The following PALD1 variants were observed in gnomAD, a reference collection of about 807,000 sequenced individuals.
PALD1 encodes phosphatase domain containing paladin 1.
Under a neutral mutation model 96.0 loss-of-function variants are expected in PALD1, and 57 were observed. That is an observed-to-expected ratio of 0.59 (90% CI 0.48 to 0.74). PALD1 has a LOEUF of 0.74. Among genes scored for constraint, PALD1 ranks in the 30% least tolerant of loss-of-function variants. The probability of loss-of-function intolerance (pLI) is 0.00; values close to 1 mark genes in which losing one functional copy is unlikely to be tolerated. For missense variants in PALD1, 1,063 were observed against 1,143.7 expected (o/e 0.93, Z 1.02); for synonymous variants, 464 against 473.6 (o/e 0.98, Z 0.26).
chr10:70,543,775 A>G (rs1847303609), intron 17 of PALD1, among the ~76,000 whole-genome samples: 1 of 152,114 alleles, frequency 6.6e-6, no homozygotes, highest in Non-Finnish European at 1.5e-5. Context: ...CCTTCTTCAC[A>G]CCAGGCCCCG....
chr10:70,548,759 A>G (rs1235393648), intron 18 of PALD1, among the ~76,000 whole-genome samples: 1 of 152,112 alleles, frequency 6.6e-6, no homozygotes, highest in East Asian at 1.9e-4. Flanking sequence ...CACATTGGGG[A>G]AATGACTGAT....
At chr10:70,518,931 C>T (rs1439253296) in intron 1 of PALD1, among the ~76,000 whole-genome samples, 1 of 152,232 alleles carries the variant, frequency 6.6e-6, no homozygotes, top group Non-Finnish European at 1.5e-5. Flanking sequence ...ACAACACAGT[C>T]TTCCTGTTTG....
intron 2 of PALD1, among the ~76,000 whole-genome samples, chr10:70,526,583 C>G (rs1338750464): frequency 2.0e-5 from 3 of 152,210 alleles, no homozygotes; most frequent in East Asian, 3.9e-4. Flanking sequence ...GTTGGCTGTC[C>G]TAATGATGCC....
chr10:70,492,623 A>AT (rs1219970169), intron 1 of PALD1, among the ~76,000 whole-genome samples: 1 of 151,640 alleles, frequency 6.6e-6, no homozygotes, highest in Admixed American at 6.6e-5. Context: ...CGCCTGGCTA[A>AT]TTTTTGTGTA....
intron 10 of PALD1, among the ~76,000 whole-genome samples, chr10:70,537,393 C>T (rs745789726): frequency 3.9e-5 from 6 of 152,194 alleles, no homozygotes; most frequent in Non-Finnish European, 8.8e-5. Flanking sequence ...CGTGAGCCAC[C>T]GCACCCAGCC....
intron 18 of PALD1, among the ~76,000 whole-genome samples, chr10:70,558,561 A>C (rs1847663625): frequency 6.6e-6 from 1 of 152,160 alleles, no homozygotes. Context: ...CAGGCAGCAC[A>C]CACATCAGGG....
At chr10:70,466,914 C>A in the PALD1 span, among the ~76,000 whole-genome samples, 5 of 152,186 alleles carry the variant, frequency 3.3e-5, no homozygotes, top group African/African-American at 9.7e-5. Context: ...GCCACCCCAG[C>A]CCCACCGTCC....
intron 1 of PALD1, among the ~76,000 whole-genome samples, chr10:70,519,319 G>A (rs1382569168): frequency 1.3e-5 from 2 of 152,102 alleles, no homozygotes; most frequent in Admixed American, 6.5e-5. Context: ...GGAAATTTAT[G>A]TTTCATGGTT....
chr10:70,557,603 G>C (rs1223261012), intron 18 of PALD1, among the ~76,000 whole-genome samples: 1 of 152,308 alleles, frequency 6.6e-6, no homozygotes, highest in East Asian at 1.9e-4. Context: ...CCTGTACTGG[G>C]GCCCCACCGC....
chr10:70,541,102 G>C lies in PALD1; in HGVS notation c.1909G>C (p.Asp637His), dbSNP rs762730349. ...CCCAGACCTTGCTTTTCTCGTCCAG[G>C]ACTTTGACCAGCTGCTGGAGGCCCT... ...MPDFCAPREE[D>H]FDQLLEALRA... is the part of the protein sequence containing the mutation. Residue 637 changes from aspartate to histidine, a missense_variant and splice_region_variant, in exon 16 of 20, where the codon GAC (aspartate) becomes CAC (histidine). Physicochemically the swap from Asp to His is moderately conservative, Grantham distance 81. Coordinates refer to ENST00000263563, the MANE Select transcript of PALD1 (RefSeq NM_014431.3). The C allele has an allele frequency of 2.5e-6, 4 of 1,597,776 alleles. No individual in the cohort carries two copies. Among genetic ancestry groups the C allele is most frequent in the Non-Finnish European group, 2.6e-6 (3 of 1,174,022 alleles).
the PALD1 span, among the ~76,000 whole-genome samples, chr10:70,468,747 TGTG>T: frequency 7.4e-5 from 11 of 149,174 alleles, no homozygotes; most frequent in Admixed American, 4.0e-4. Flanking sequence ...TGTGTGTGTG[TGTG>T]TTTTGAGATG....
At chr10:70,541,880 G>C (rs756939949) in intron 17 of PALD1, among the ~76,000 whole-genome samples, 1 of 152,168 alleles carries the variant, frequency 6.6e-6, no homozygotes, top group African/African-American at 2.4e-5. Flanking sequence ...GCTGTGGTTG[G>C]TGACCTTGTG....
intron 1 of PALD1, among the ~76,000 whole-genome samples, chr10:70,492,787 T>A (rs1846122452): frequency 6.6e-6 from 1 of 152,192 alleles, no homozygotes; most frequent in Admixed American, 6.5e-5. Flanking sequence ...TATGATGGGT[T>A]TGTCAGAATG....
intron 7 of PALD1, 44 bp downstream of exon 7, chr10:70,533,114 C>T (rs754789380): frequency 6.6e-6 from 10 of 1,504,456 alleles, no homozygotes; most frequent in African/African-American, 4.2e-5. Context: ...TCTTGAGAGT[C>T]GTCCCCATGG....
At chr10:70,493,401 T>C (rs562878268) in intron 1 of PALD1, among the ~76,000 whole-genome samples, 119 of 152,352 alleles carry the variant, frequency 7.8e-4, no homozygotes, top group Non-Finnish European at 1.0e-3. Flanking sequence ...CTGCGGACAG[T>C]GATGTCTGCA....
In PALD1 at chr10:70,564,410, G is replaced by T. The variant is rs748294757; in HGVS notation, c.2309G>T (p.Arg770Leu). 6.2e-7 allele frequency: 1 copy of T among 1,613,952 alleles called. No individual in the cohort carries two copies. The highest frequency in any genetic ancestry group is 8.5e-7 in the Non-Finnish European group (1 of 1,179,846). ...EAQEMRRLQL[R>L]SLQYLERYVC... ...CAAGAAATGCGGAGGCTGCAGCTGC[G>T]GAGCCTGCAGTACTTGGAGCGCTAT... The change falls in exon 19 of 20, where the codon CGG becomes CTG. Residue 770 changes from arginine (R) to leucine (L), a missense_variant. Physicochemically the swap from Arg to Leu is moderately radical, Grantham distance 102 (BLOSUM62 -2). Coordinates refer to ENST00000263563, the MANE Select transcript of PALD1 (RefSeq NM_014431.3).
At chr10:70,498,699 G>A (rs1305122930) in intron 1 of PALD1, among the ~76,000 whole-genome samples, 1 of 152,000 alleles carries the variant, frequency 6.6e-6, no homozygotes, top group Non-Finnish European at 1.5e-5. Context: ...GGCTGAGGTG[G>A]GTAGATCACC....
intron 3 of PALD1, among the ~76,000 whole-genome samples, chr10:70,529,683 C>T (rs1039636298): frequency 1.3e-5 from 2 of 152,178 alleles, no homozygotes; most frequent in East Asian, 1.9e-4. Flanking sequence ...CCTTTTCCTA[C>T]ACTTTATGAT....
chr10:70,529,912 T>C lies in PALD1; in HGVS notation c.312T>C (p.Asp104=), dbSNP rs747992510. The C allele has an allele frequency of 3.7e-6, 6 of 1,613,954 alleles. No individual in the cohort carries two copies. The highest frequency in any genetic ancestry group is 5.1e-6 in the Non-Finnish European group (6 of 1,179,934). ...AGGGCCGCTACTTCCTGGTGCGGGA[T>C]GTCACTGAGAAGATGGATGTGCTGG... ...LVQGRYFLVR[D]VTEKMDVLGT... is the part of the protein sequence containing the mutation. Residue 104 remains aspartate (D), a synonymous_variant, in exon 4 of 20, where the codon GAT becomes GAC. Transcript: ENST00000263563.
Sources: allele counts gnomAD v4.1 joint callset (sites outside exome capture counted in the v4.1 genomes callset), GRCh38; gene constraint gnomAD v4.1.1; transcripts MANE v1.5; gene names NCBI Gene and HGNC (gene_info 2026-07-23, HGNC 2026-07-21).